Variants in SNTG1 observed in about 807,000 individuals in gnomAD.
The protein encoded by SNTG1 is gamma-1-syntrophin.
Under a neutral mutation model 74.7 loss-of-function variants are expected in SNTG1, and 39 were observed. The ratio of observed to expected loss-of-function variants is 0.52; its 90% CI spans 0.40 to 0.68. SNTG1 has a LOEUF of 0.68. Ranked by LOEUF, SNTG1 falls within the 30% of genes least tolerant of loss-of-function variation. The probability of loss-of-function intolerance (pLI) is 0.00; values close to 1 mark genes in which losing one functional copy is unlikely to be tolerated. For missense variants in SNTG1, 685 were observed against 609.5 expected, an observed-to-expected ratio of 1.12 and a Z score of -1.30; for synonymous variants, 254 against 217.1, an observed-to-expected ratio of 1.17 and a Z score of -1.49.
chr8:50,669,863 C>T (rs1363911386), intron 15 of SNTG1, among the ~76,000 whole-genome samples: 2 of 152,118 alleles, frequency 1.3e-5, no homozygotes, highest in African/African-American at 2.4e-5. Context: ...GGGCTTCATC[C>T]CTGGGATGCA....
At chr8:50,275,575 A>G (rs998580368) in intron 2 of SNTG1, among the ~76,000 whole-genome samples, 5 of 152,222 alleles carry the variant, frequency 3.3e-5, no homozygotes, top group African/African-American at 1.2e-4. Flanking sequence ...ACCCCTGTGT[A>G]AAACATGAGG....
chr8:50,714,407 G>GA lies in SNTG1; in HGVS notation c.1284+5440dup, dbSNP rs34760193. 1.1e-3 allele frequency among the ~76,000 whole-genome samples: 160 copies of GA among 147,200 alleles called. 1 individual carries two copies. Among genetic ancestry groups the GA allele is most frequent in the Non-Finnish European group, 1.8e-3 (122 of 66,424 alleles). The stretch of plus-strand genomic sequence containing the variant: ...GAAATAAGAGAGGACACAAACAAAT[G>GA]AAAAAAAAAAATTCCATGTTCATGG... On this transcript the variant is annotated intron_variant, in intron 17 of 18. Transcript: ENST00000642720.
intron 2 of SNTG1, among the ~76,000 whole-genome samples, chr8:50,238,824 T>C (rs1473952057): frequency 6.6e-6 from 1 of 152,100 alleles, no homozygotes; most frequent in Non-Finnish European, 1.5e-5. Flanking sequence ...CATTAAAAGA[T>C]GAGCAATGTT....
chr8:50,633,638 G>C (rs2095018826), intron 13 of SNTG1, among the ~76,000 whole-genome samples: 1 of 152,170 alleles, frequency 6.6e-6, no homozygotes, highest in South Asian at 2.1e-4. Context: ...GTTGAGGTGG[G>C]CTGTGCACTA....
intron 2 of SNTG1, among the ~76,000 whole-genome samples, chr8:50,297,167 T>C (rs1039232260): frequency 1.8e-4 from 28 of 152,204 alleles, no homozygotes; most frequent in Non-Finnish European, 2.9e-4. Flanking sequence ...CATGACAGTA[T>C]GGTTGTCCTC....
chr8:50,075,133 C>T (rs998856618), intron 1 of SNTG1, among the ~76,000 whole-genome samples: 2 of 152,182 alleles, frequency 1.3e-5, no homozygotes, highest in South Asian at 2.1e-4. Context: ...CTGCCATGCC[C>T]GAGCCTCTCC....
chr8:50,137,519 G>A (rs2081512719), intron 1 of SNTG1, among the ~76,000 whole-genome samples: 1 of 152,194 alleles, frequency 6.6e-6, no homozygotes, highest in Non-Finnish European at 1.5e-5. Context: ...GAGGAGGACA[G>A]TCACTCATTA....
At chr8:50,022,393 G>A (rs559564455) in intron 1 of SNTG1, among the ~76,000 whole-genome samples, 12 of 152,298 alleles carry the variant, frequency 7.9e-5, no homozygotes, top group African/African-American at 2.4e-4. Context: ...ACTGGAGTCC[G>A]ATGCTGCCAG....
intron 1 of SNTG1, among the ~76,000 whole-genome samples, chr8:50,029,402 T>C (rs1291527242): frequency 1.3e-5 from 2 of 152,162 alleles, no homozygotes; most frequent in African/African-American, 4.8e-5. Context: ...TATTATCAAC[T>C]AAAGTCACTC....
At chr8:50,009,382 C>A (rs13270712) in intron 1 of SNTG1, among the ~76,000 whole-genome samples, 16,783 of 152,106 alleles carry the variant, frequency 0.11, 1,112 homozygotes, top group South Asian at 0.21. Flanking sequence ...ACTGGACTAC[C>A]TTTTCTCTGG....
At chr8:50,167,545 C>G (rs2131630075) in intron 1 of SNTG1, among the ~76,000 whole-genome samples, 1 of 151,340 alleles carries the variant, frequency 6.6e-6, no homozygotes, top group East Asian at 1.9e-4. Flanking sequence ...GCCTATAATC[C>G]CAGCACTTTG....
intron 1 of SNTG1, among the ~76,000 whole-genome samples, chr8:50,052,810 G>A (rs1356755791): frequency 6.6e-6 from 1 of 152,050 alleles, no homozygotes; most frequent in Non-Finnish European, 1.5e-5. Context: ...GCAAATGAAA[G>A]TATGCTTAAT....
intron 3 of SNTG1, among the ~76,000 whole-genome samples, chr8:50,394,844 AACTT>A (rs753412308): frequency 0.01 from 774 of 76,628 alleles, 5 homozygotes; most frequent in Admixed American, 0.015. Flanking sequence ...AAGAAAAACT[AACTT>A]TTTTTTTTTT....
At chr8:50,175,150 G>A (rs576289205) in intron 2 of SNTG1, among the ~76,000 whole-genome samples, 4 of 152,100 alleles carry the variant, frequency 2.6e-5, no homozygotes, top group South Asian at 4.2e-4. Context: ...CGTTGCTATC[G>A]TGAATAGTGC....
chr8:50,114,338 T>C (rs2080727975), intron 1 of SNTG1, among the ~76,000 whole-genome samples: 2 of 152,168 alleles, frequency 1.3e-5, no homozygotes, highest in South Asian at 4.1e-4. Context: ...AAACATGCAA[T>C]AACTTCTTAA....
intron 1 of SNTG1, among the ~76,000 whole-genome samples, chr8:50,088,301 C>G (rs894471394): frequency 1.4e-5 from 2 of 146,646 alleles, no homozygotes; most frequent in Admixed American, 6.9e-5. Flanking sequence ...CAATATCATA[C>G]TGAATGGGCA....
intron 1 of SNTG1, among the ~76,000 whole-genome samples, chr8:50,000,454 T>C (rs1814639541): frequency 6.6e-6 from 1 of 152,158 alleles, no homozygotes; most frequent in African/African-American, 2.4e-5. Flanking sequence ...TTTTATGTTG[T>C]GCTTTAGTTA....
chr8:50,097,760 GA>G (rs1242117578), intron 1 of SNTG1, among the ~76,000 whole-genome samples: 1 of 152,134 alleles, frequency 6.6e-6, no homozygotes, highest in East Asian at 1.9e-4. Context: ...GATTGAGAGT[GA>G]AAAAACTTAA....
intron 2 of SNTG1, among the ~76,000 whole-genome samples, chr8:50,269,562 A>C (rs555942324): frequency 6.8e-4 from 104 of 152,248 alleles, no homozygotes; most frequent in African/African-American, 2.4e-3. Flanking sequence ...AGGAAAAAAA[A>C]TTATGTGCCA....
Sources: allele counts gnomAD v4.1 joint callset (sites outside exome capture counted in the v4.1 genomes callset), GRCh38; gene constraint gnomAD v4.1.1; transcripts MANE v1.5; gene names NCBI Gene and HGNC (gene_info 2026-07-23, HGNC 2026-07-21).